The following ZDHHC11B variants were observed in gnomAD, a reference collection of about 807,000 sequenced individuals.
The protein encoded by ZDHHC11B is zDHHC palmitoyltransferase 11B (putative).
ZDHHC11B carries 17 observed loss-of-function variants against 42.3 expected under a neutral mutation model. The observed-to-expected ratio is 0.40, with a 90% CI of 0.27 to 0.60. The LOEUF (loss-of-function observed/expected upper bound fraction) is 0.60. ZDHHC11B is among the 20% of genes least tolerant of loss of function. The pLI, the probability that ZDHHC11B is intolerant of heterozygous loss-of-function variation, is 0.41. For synonymous variants in ZDHHC11B, 123 were observed against 193.5 expected (o/e 0.64, Z 3.02); for missense variants, 262 against 463.2 (o/e 0.57, Z 3.99).
intron 12 of ZDHHC11B, among the ~76,000 whole-genome samples, chr5:724,567 A>G (rs1434080525): frequency 6.5e-5 from 9 of 138,756 alleles, no homozygotes; most frequent in African/African-American, 2.2e-4. Flanking sequence ...TAGTAGAGAC[A>G]GGGTTTCACC....
At chr5:761,232 G>T (rs1445513884) in intron 4 of ZDHHC11B, among the ~76,000 whole-genome samples, 1 of 151,878 alleles carries the variant, frequency 6.6e-6, no homozygotes, top group Non-Finnish European at 1.5e-5. Flanking sequence ...CGTGTCTGGA[G>T]GGCATGTGCT....
rs761220937 is a variant in ZDHHC11B at position 730,481 on chromosome 5, G to C, written c.1024-13C>G. 2.6e-6 allele frequency: 4 copies of C among 1,555,384 alleles called. No homozygotes were observed. Among genetic ancestry groups the C allele is most frequent in the Non-Finnish European group, 2.6e-6 (3 of 1,161,122 alleles). ...CATCATCTGCTTCCTGTGGGGGGAAGGGAAGCAAAATTCTTAGGATGAACA... is the reference window on the plus strand; with the variant it reads ...CATCATCTGCTTCCTGTGGGGGGAACGGAAGCAAAATTCTTAGGATGAACA... On this transcript the variant is annotated splice_polypyrimidine_tract_variant and intron_variant, in intron 11 of 13. Coordinates refer to ENST00000508859, the MANE Select transcript of ZDHHC11B (RefSeq NM_001351303.2).
At chr5:732,794 C>A in intron 11 of ZDHHC11B, 1 of 277,740 alleles carries the variant, frequency 3.6e-6, no homozygotes, top group Non-Finnish European at 7.2e-6. Context: ...CTATTAGAGG[C>A]TCACGCCTCT....
intron 1 of ZDHHC11B, among the ~76,000 whole-genome samples, chr5:778,727 T>C (rs1301700262): frequency 6.6e-6 from 1 of 151,770 alleles, no homozygotes; most frequent in Non-Finnish European, 1.5e-5. Context: ...TCTTGGATTA[T>C]CCACAGCTGA....
chr5:775,585 C>T (rs1483454320), intron 1 of ZDHHC11B, among the ~76,000 whole-genome samples: 4 of 151,842 alleles, frequency 2.6e-5, no homozygotes, highest in African/African-American at 7.3e-5. Context: ...GTGCTTCTGC[C>T]TGGCAGGAGC....
intron 7 of ZDHHC11B, among the ~76,000 whole-genome samples, 190 bp downstream of exon 7, chr5:750,943 G>A (rs1256043943): frequency 5.3e-5 from 6 of 114,280 alleles, no homozygotes; most frequent in East Asian, 3.6e-4. Flanking sequence ...CCTGCCTCCC[G>A]CGCGCTGGGG....
intron 12 of ZDHHC11B, 65 bp from the exon 13 acceptor site, chr5:716,930 A>T (rs1741796241): frequency 6.2e-7 from 1 of 1,607,152 alleles, no homozygotes; most frequent in Non-Finnish European, 8.5e-7. Context: ...TTATACTGCC[A>T]AAGTGCACAA....
intron 4 of ZDHHC11B, among the ~76,000 whole-genome samples, chr5:763,373 GAA>G (rs398108502): frequency 3.1e-5 from 4 of 128,612 alleles, no homozygotes; most frequent in African/African-American, 5.7e-5. Context: ...CCCATCTCGG[GAA>G]AAAAAAAAAA....
chr5:762,778 G>C (rs1044361312), intron 4 of ZDHHC11B, among the ~76,000 whole-genome samples: 2 of 151,252 alleles, frequency 1.3e-5, no homozygotes, highest in African/African-American at 4.9e-5. Flanking sequence ...TAAACCCAAG[G>C]TCAGTTGAAG....
Position 769,969 on chromosome 5 carries a change from C to T in ZDHHC11B, c.-229-1039G>A, listed in dbSNP as rs569172943. 1.3e-3 allele frequency among the ~76,000 whole-genome samples: 192 copies of T among 151,952 alleles called. 2 individuals carry two copies. Among genetic ancestry groups the T allele is most frequent in the Middle Eastern group, 3.4e-3 (1 of 294 alleles). ...CGAGGTCTGACCAGCACCACAGCCC[C>T]GCGAGACGGCCGTCCACACCACTCG... On this transcript the variant is annotated intron_variant, in intron 1 of 13. Transcript: ENST00000508859.
intron 13 of ZDHHC11B, among the ~76,000 whole-genome samples, chr5:712,840 C>T (rs190006721): frequency 5.2e-4 from 79 of 151,618 alleles, no homozygotes; most frequent in Non-Finnish European, 6.8e-4. Flanking sequence ...ACCCGGGAGG[C>T]GGAGTTTGCA....
At chr5:718,215 T>C (rs768872870) in intron 12 of ZDHHC11B, among the ~76,000 whole-genome samples, 9 of 151,834 alleles carry the variant, frequency 5.9e-5, no homozygotes, top group African/African-American at 1.7e-4. Flanking sequence ...TAAGTATGTA[T>C]ATAAAAATGC....
chr5:771,061 G>A (rs1486013623), intron 1 of ZDHHC11B, among the ~76,000 whole-genome samples: 21 of 152,026 alleles, frequency 1.4e-4, no homozygotes, highest in Non-Finnish European at 2.5e-4. Context: ...TGGACACCAG[G>A]TGGGCCGTCA....
At chr5:776,943 C>T (rs1736551286) in intron 1 of ZDHHC11B, among the ~76,000 whole-genome samples, 1 of 151,932 alleles carries the variant, frequency 6.6e-6, no homozygotes, top group African/African-American at 2.4e-5. Flanking sequence ...TCAGCCCAGG[C>T]CGCCTGTCAG....
rs374342473 is a variant in ZDHHC11B, at chr5:733,753, T to C, written c.1022A>G (p.Gln341Arg). Residue 341 changes from glutamine (Q) to arginine (R), a missense_variant and splice_region_variant, in exon 11 of 14, where the codon CAG becomes CGG. Coordinates refer to ENST00000508859, the MANE Select transcript of ZDHHC11B (RefSeq NM_001351303.2). ...GCATTGCTGGTGACTGCAACTTACC[T>C]GTGCCTTCGAATCCCCGTCCTGGTT... Reference protein sequence around the residue: ...SVNQDGDSKAQEADDAPSTST... With the variant: ...SVNQDGDSKAREADDAPSTST... 249 of 1,609,310 alleles carry C rather than the reference T, an allele frequency of 1.5e-4. No homozygotes were observed. The South Asian group carries it at 1.6e-3, about 11-fold the overall frequency.
At position 767,101 on chromosome 5, in the gene ZDHHC11B, G is replaced by C. The variant is rs1735541013; in HGVS notation, c.1-182C>G. 19 of 871,054 alleles carry C rather than the reference G, an allele frequency of 2.2e-5. No homozygotes were observed. In the South Asian group the frequency reaches 3.1e-4, roughly 14 times the overall value. 54.0% of individuals were successfully genotyped at this position (871,054 alleles called of 1,614,324 possible). On this transcript the variant is annotated intron_variant, in intron 3 of 13. Coordinates refer to ENST00000508859, the MANE Select transcript of ZDHHC11B (RefSeq NM_001351303.2). ...GGGAGCAGGGGTTGGGCTGGAGTCG[G>C]TGCAGGGCCCTGTCCAGGGGAATGA...
intron 3 of ZDHHC11B, 66 bp from the exon 4 acceptor site, chr5:766,985 C>G: frequency 6.5e-7 from 1 of 1,549,514 alleles, no homozygotes; most frequent in East Asian, 2.3e-5. Flanking sequence ...CACCCACTGT[C>G]AGGGAGACCA....
chr5:740,586 T>C (rs1472635306), intron 10 of ZDHHC11B, among the ~76,000 whole-genome samples: 7 of 129,202 alleles, frequency 5.4e-5, no homozygotes, highest in African/African-American at 1.4e-4. Flanking sequence ...TGAAATTCCA[T>C]CTCAAAAAAT....
At chr5:765,612 C>T (rs1266238551) in intron 4 of ZDHHC11B, among the ~76,000 whole-genome samples, 2 of 151,892 alleles carry the variant, frequency 1.3e-5, no homozygotes, top group Admixed American at 6.6e-5. Context: ...CTTGGGTTCT[C>T]TTCCACATTG....
Sources: gnomAD v4.1 joint callset for allele counts (sites outside exome capture counted in the v4.1 genomes callset) on GRCh38, gnomAD v4.1.1 for gene constraint, MANE v1.5 for transcripts, NCBI Gene and HGNC (gene_info 2026-07-23, HGNC 2026-07-21) for gene names.